Variants in CCSER1 observed in about 807,000 individuals in gnomAD.
CCSER1 encodes coiled-coil serine rich protein 1.
CCSER1 carries 41 observed loss-of-function variants against 82.0 expected under a neutral mutation model. The observed-to-expected ratio is 0.50, with a 90% CI of 0.39 to 0.65. The LOEUF (loss-of-function observed/expected upper bound fraction) is 0.65, where lower values mean the gene tolerates loss of function less well. Ranked by LOEUF, CCSER1 falls within the 30% of genes least tolerant of loss-of-function variation. The pLI, the probability that CCSER1 is intolerant of heterozygous loss-of-function variation, is 0.00. For synonymous variants in CCSER1, 414 were observed against 383.9 expected (o/e 1.08, Z -0.92); for missense variants, 1,119 against 1,064.2 (o/e 1.05, Z -0.72).
intron 10 of CCSER1, among the ~76,000 whole-genome samples, chr4:91,416,667 C>G (rs897261025): frequency 2.6e-5 from 4 of 152,150 alleles, no homozygotes; most frequent in African/African-American, 9.7e-5. Context: ...GAAATTGAAA[C>G]TGGACCCCTT....
intron 3 of CCSER1, among the ~76,000 whole-genome samples, chr4:90,339,250 G>T (rs1441125980): frequency 2.0e-5 from 3 of 152,036 alleles, no homozygotes; most frequent in African/African-American, 7.2e-5. Flanking sequence ...AAGACACCCA[G>T]AATTTGACCA....
chr4:90,835,537 A>G (rs1761701215), intron 8 of CCSER1, among the ~76,000 whole-genome samples: 1 of 152,140 alleles, frequency 6.6e-6, no homozygotes, highest in Non-Finnish European at 1.5e-5. Context: ...ATCTCAGTTC[A>G]GCTATATGTT....
intron 9 of CCSER1, among the ~76,000 whole-genome samples, chr4:90,957,968 A>T (rs2150368826): frequency 6.6e-6 from 1 of 152,192 alleles, no homozygotes; most frequent in South Asian, 2.1e-4. Flanking sequence ...TGAAAAAAAT[A>T]GTGAATAATG....
At chr4:91,181,647 G>T (rs185173965) in intron 10 of CCSER1, among the ~76,000 whole-genome samples, 1 of 152,262 alleles carries the variant, frequency 6.6e-6, no homozygotes, top group Non-Finnish European at 1.5e-5. Flanking sequence ...AGACTGAGAG[G>T]TGCAAGTCAA....
In CCSER1 at chr4:90,403,498, CAAAAAA is replaced by C. The variant is rs753570201; in HGVS notation, c.1603+3386_1603+3391del. 1.9e-3 allele frequency among the ~76,000 whole-genome samples: 89 copies of C among 45,996 alleles called. No individual in the cohort carries two copies. In the East Asian group the frequency reaches 0.042, roughly 22 times the overall value. The allele number at this position is 45,996 out of a possible 152,430, so 30.2% of individuals were successfully genotyped here. ...TGGGCGACAGAGCGAGACTCCGTCT[CAAAAAA>C]AAAAAAAAAAAAAAAAGAAAAAAGA... On this transcript the variant is annotated intron_variant, in intron 4 of 10. Coordinates refer to ENST00000509176, the MANE Select transcript of CCSER1 (RefSeq NM_001145065.2).
chr4:90,395,788 T>G lies in CCSER1; in HGVS notation c.1510-4248T>G, dbSNP rs145127484. 9.5e-4 allele frequency among the ~76,000 whole-genome samples: 144 copies of G among 152,068 alleles called. 1 individual carries two copies. Among genetic ancestry groups the G allele is most frequent in the African/African-American group, 3.2e-3 (133 of 41,484 alleles). ...TTTAACACTTTTCTTGTTCCTGCTA[T>G]GTTAACATTATTAAAACCTTCATGC... On this transcript the variant is annotated intron_variant, in intron 3 of 10. Transcript: ENST00000509176.
intron 7 of CCSER1, among the ~76,000 whole-genome samples, chr4:90,774,553 A>G (rs1752649474): frequency 6.6e-6 from 1 of 152,142 alleles, no homozygotes; most frequent in African/African-American, 2.4e-5. Flanking sequence ...TGTATGCCAC[A>G]ACAGTATTTT....
intron 10 of CCSER1, among the ~76,000 whole-genome samples, chr4:91,515,542 T>C (rs1401342655): frequency 1.3e-5 from 2 of 152,224 alleles, no homozygotes; most frequent in Non-Finnish European, 2.9e-5. Flanking sequence ...ATCTTGTTCT[T>C]TTTATGGCTG....
At chr4:90,330,497 C>T (rs2126284) in intron 3 of CCSER1, among the ~76,000 whole-genome samples, 1 of 151,732 alleles carries the variant, frequency 6.6e-6, no homozygotes, top group East Asian at 1.9e-4. Flanking sequence ...AATAAAAGTA[C>T]ATAGAAAGTA....
chr4:90,622,130 G>T (rs1220670953), intron 5 of CCSER1, among the ~76,000 whole-genome samples: 1 of 138,850 alleles, frequency 7.2e-6, no homozygotes, highest in African/African-American at 2.7e-5. Flanking sequence ...TGTGTTCTTA[G>T]AGGTCCCCTC....
intron 10 of CCSER1, among the ~76,000 whole-genome samples, chr4:91,197,779 A>G (rs779972386): frequency 6.6e-6 from 1 of 152,094 alleles, no homozygotes; most frequent in South Asian, 2.1e-4. Flanking sequence ...ACGTGCCCCC[A>G]TGGTATCTCA....
rs1742075412 is a variant in CCSER1 at position 90,221,155 on chromosome 4, A to T, written c.-41-87089A>T. Among the ~76,000 whole-genome samples, 6 of 152,278 alleles carry T rather than the reference A, an allele frequency of 3.9e-5. No individual in the cohort carries two copies. In the South Asian group the frequency reaches 1.2e-3, roughly 32 times the overall value. The stretch of plus-strand genomic sequence containing the variant: ...TCTAACCTGAGGTGGGAAACAGGCA[A>T]TAGAATACGTAAAATCCTAAACTAT... On this transcript the variant is annotated intron_variant, in intron 1 of 10. Coordinates refer to ENST00000509176, the MANE Select transcript of CCSER1 (RefSeq NM_001145065.2).
intron 5 of CCSER1, among the ~76,000 whole-genome samples, chr4:90,472,002 A>G (rs533085920): frequency 6.6e-6 from 1 of 152,164 alleles, no homozygotes; most frequent in East Asian, 1.9e-4. Flanking sequence ...TAGACATAAA[A>G]TAATCACCCG....
chr4:90,384,107 TG>T (rs1223326471), intron 3 of CCSER1, among the ~76,000 whole-genome samples: 2 of 151,844 alleles, frequency 1.3e-5, no homozygotes, highest in East Asian at 3.9e-4. Context: ...TGTTGTTGTT[TG>T]TTTTTTTGGT....
At chr4:91,166,040 C>G (rs370299297) in intron 10 of CCSER1, among the ~76,000 whole-genome samples, 4 of 152,308 alleles carry the variant, frequency 2.6e-5, no homozygotes, top group African/African-American at 9.6e-5. Context: ...TAGATCGGAT[C>G]TGTTCCTATT....
chr4:90,610,616 G>A (rs970285415), intron 5 of CCSER1, among the ~76,000 whole-genome samples: 2 of 152,080 alleles, frequency 1.3e-5, no homozygotes, highest in African/African-American at 4.8e-5. Flanking sequence ...TGAGTGATTT[G>A]CTTTTAAAAC....
chr4:91,339,713 C>T (rs183267228), intron 10 of CCSER1, among the ~76,000 whole-genome samples: 1 of 152,148 alleles, frequency 6.6e-6, no homozygotes, highest in African/African-American at 2.4e-5. Flanking sequence ...AGCTCTCCCC[C>T]TCTTCTCTGT....
At chr4:90,745,544 C>T (rs914047702) in intron 7 of CCSER1, among the ~76,000 whole-genome samples, 16 of 152,132 alleles carry the variant, frequency 1.1e-4, no homozygotes, top group Admixed American at 8.5e-4. Flanking sequence ...AACTTTTGTT[C>T]TGTCCATAAA....
At chr4:90,722,038 C>T (rs1039791554) in intron 6 of CCSER1, among the ~76,000 whole-genome samples, 2 of 151,540 alleles carry the variant, frequency 1.3e-5, no homozygotes, top group African/African-American at 2.4e-5. Flanking sequence ...TTTTACTACC[C>T]TTTGATTTAT....
Sources: allele counts gnomAD v4.1 joint callset (sites outside exome capture counted in the v4.1 genomes callset), GRCh38; gene constraint gnomAD v4.1.1; transcripts MANE v1.5; gene names NCBI Gene and HGNC (gene_info 2026-07-23, HGNC 2026-07-21).